The following DDO variants were observed in gnomAD, a reference collection of about 807,000 sequenced individuals.
DDO encodes D-aspartate oxidase, DDO.
DDO carries 16 observed loss-of-function variants against 16.8 expected under a neutral mutation model. The observed-to-expected ratio is 0.95, with a 90% CI of 0.65 to 1.45. DDO has a LOEUF of 1.45. Among genes scored for constraint, DDO ranks in the 40% most tolerant of loss-of-function variants. The pLI is 0.00. For missense variants in DDO, 429 were observed against 420.3 expected, an observed-to-expected ratio of 1.02 and a Z score of -0.18; for synonymous variants, 180 against 167.2, an observed-to-expected ratio of 1.08 and a Z score of -0.59.
chr6:110,390,558 A>G (rs1773081643), downstream of DDO, among the ~76,000 whole-genome samples: 2 of 152,256 alleles, frequency 1.3e-5, no homozygotes, highest in Admixed American at 6.5e-5. Context: ...CTTTAGAAAT[A>G]TAAAACGCAG....
Position 110,392,324 on chromosome 6 carries a change from T to C in DDO, c.*451A>G, listed in dbSNP as rs1582466118. The stretch of plus-strand genomic sequence containing the variant: ...TCCTGTGGATTTATAAGCCAAATGA[T>C]ATCAAAATCTCTATAGCTTCCAACA... On this transcript the variant is annotated 3_prime_UTR_variant, in exon 5 of 5. Coordinates refer to ENST00000368924, the MANE Select transcript of DDO (RefSeq NM_001372108.2). The C allele has an allele frequency of 1.0e-6, 1 of 986,302 alleles. No individual in the cohort carries two copies. Among genetic ancestry groups the C allele is most frequent in the Non-Finnish European group, 1.2e-6 (1 of 830,532 alleles). The allele number at this position is 986,302 out of a possible 1,614,324, so 61.1% of individuals were successfully genotyped here.
chr6:110,409,015 CT>C (rs1269061115), intron 2 of DDO, among the ~76,000 whole-genome samples: 2 of 152,228 alleles, frequency 1.3e-5, no homozygotes, highest in Non-Finnish European at 2.9e-5. Context: ...GGCGAGCCCC[CT>C]GCAGGCCAGA....
chr6:110,404,899 G>A lies in DDO; in HGVS notation c.333C>T (p.Asp111=), dbSNP rs113690784. 4.2e-5 allele frequency: 67 copies of A among 1,614,148 alleles called. 1 individual carries two copies. The highest frequency in any genetic ancestry group is 1.7e-4 in the African/African-American group (13 of 75,036). The stretch of plus-strand genomic sequence containing the variant: ...TCATCTTTCGAAATCCCAGAACCAC[G>A]TCAGCCCAGAATGGCACTTCTTCAG... ...TPTEEVPFWA[D]VVLGFRKMTE... Residue 111 remains aspartate (D), a synonymous_variant, in exon 4 of 5, where the codon GAC becomes GAT. Transcript: ENST00000368924.
chr6:110,411,047 A>G (rs1363782175), intron 2 of DDO, among the ~76,000 whole-genome samples: 5 of 152,174 alleles, frequency 3.3e-5, no homozygotes, highest in African/African-American at 7.2e-5. Context: ...TGCAAACTGG[A>G]TGCTAGGACC....
Position 110,393,170 on chromosome 6 carries a change from C to G in DDO, c.631G>C (p.Val211Leu). 6.2e-7 allele frequency: 1 copy of G among 1,614,242 alleles called. No individual in the cohort carries two copies. Among genetic ancestry groups the G allele is most frequent in the Non-Finnish European group, 8.5e-7 (1 of 1,180,036 alleles). ...GQVLQVQAPW[V>L]EHFIRDGSGL... Reference sequence around the variant, plus strand: ...CTGCCATCTCGGATAAAATGCTCCACCCAGGGAGCCTGAACTTGGAGGACT... The same window carrying G: ...CTGCCATCTCGGATAAAATGCTCCAGCCAGGGAGCCTGAACTTGGAGGACT... Residue 211 changes from valine (V) to leucine (L), a missense_variant, in exon 5 of 5, where the codon GTG becomes CTG. Val to Leu is a conservative substitution (Grantham distance 32, BLOSUM62 1). Transcript: ENST00000368924.
chr6:110,394,464 A>C (rs1417364657), intron 4 of DDO, among the ~76,000 whole-genome samples: 2 of 152,188 alleles, frequency 1.3e-5, no homozygotes, highest in Non-Finnish European at 2.9e-5. Context: ...AATAACCCCC[A>C]GGACATGTAA....
chr6:110,401,414 A>G (rs1214089273), intron 4 of DDO, among the ~76,000 whole-genome samples: 1 of 152,010 alleles, frequency 6.6e-6, no homozygotes, highest in African/African-American at 2.4e-5. Context: ...TTTCTTCTCC[A>G]AATTTGGGGT....
In DDO at chr6:110,392,078, C is replaced by CT. The variant is rs1773117238; in HGVS notation, c.*696dup. ...ATGACATACATAGGCAACTTCATCT[C>CT]TGTCTCCTACCATCATTACCAGCTG... On this transcript the variant is annotated 3_prime_UTR_variant, in exon 5 of 5. Transcript: ENST00000368924. 1 of 631,960 alleles carries CT rather than the reference C, an allele frequency of 1.6e-6. No individual in the cohort carries two copies. Among genetic ancestry groups the CT allele is most frequent in the African/African-American group, 2.0e-5 (1 of 50,176 alleles). 39.1% of individuals were successfully genotyped at this position (631,960 alleles called of 1,614,324 possible).
chr6:110,400,483 T>TG (rs1178567739), intron 4 of DDO, among the ~76,000 whole-genome samples: 5 of 152,118 alleles, frequency 3.3e-5, no homozygotes, highest in African/African-American at 7.2e-5. Context: ...GACTGTGTGC[T>TG]GGGGGGAGGC....
Position 110,392,947 on chromosome 6 carries a change from C to A in DDO, c.854G>T (p.Arg285Leu). 2 of 1,614,156 alleles carry A rather than the reference C, an allele frequency of 1.2e-6. No homozygotes were observed. The highest frequency in any genetic ancestry group is 2.2e-5 in the South Asian group (2 of 91,064). Residue 285 changes from arginine to leucine, a missense_variant, in exon 5 of 5, where the codon CGA becomes CTA. Transcript: ENST00000368924. ...VGLRPYRPGV[R>L]LQTELLARDG... is the part of the protein sequence containing the mutation. The stretch of plus-strand genomic sequence containing the variant: ...TCGCGCAAGGAGCTCTGTCTGCAGT[C>A]GCACGCCTGGCCTGTAGGGCCTCAA...
At chr6:110,401,743 T>C (rs1773491409) in intron 4 of DDO, among the ~76,000 whole-genome samples, 1 of 152,162 alleles carries the variant, frequency 6.6e-6, no homozygotes, top group African/African-American at 2.4e-5. Context: ...GCAAAAATCA[T>C]CAATGGATGC....
chr6:110,394,866 A>T (rs1042825969), intron 4 of DDO, among the ~76,000 whole-genome samples: 1 of 152,256 alleles, frequency 6.6e-6, no homozygotes, highest in Admixed American at 6.5e-5. Flanking sequence ...AACTTTGAAC[A>T]GTCGTCAATC....
intron 1 of DDO, among the ~76,000 whole-genome samples, chr6:110,414,148 C>T (rs953736219): frequency 1.9e-4 from 29 of 152,338 alleles, no homozygotes; most frequent in African/African-American, 6.5e-4. Flanking sequence ...GAGCTGTAGT[C>T]TTTGCTCCCA....
intron 4 of DDO, among the ~76,000 whole-genome samples, chr6:110,404,505 G>C (rs1175079898): frequency 2.0e-5 from 3 of 152,126 alleles, no homozygotes; most frequent in Non-Finnish European, 4.4e-5. Context: ...GGTTTTACCT[G>C]GGGCAAGAAG....
intron 4 of DDO, among the ~76,000 whole-genome samples, chr6:110,399,213 ATCTCT>A (rs1439424456): frequency 1.3e-5 from 2 of 152,226 alleles, no homozygotes; most frequent in African/African-American, 2.4e-5. Flanking sequence ...GAACAAGATG[ATCTCT>A]TCTATCTTTT....
chr6:110,404,516 G>A (rs982052763), intron 4 of DDO, among the ~76,000 whole-genome samples: 1 of 152,136 alleles, frequency 6.6e-6, no homozygotes, highest in African/African-American at 2.4e-5. Flanking sequence ...GGGCAAGAAG[G>A]GTAGGGAATA....
chr6:110,400,026 G>A (rs1773425215), intron 4 of DDO, among the ~76,000 whole-genome samples: 1 of 152,184 alleles, frequency 6.6e-6, no homozygotes, highest in Admixed American at 6.5e-5. Flanking sequence ...TCCGGCCGAT[G>A]GCGTTGCCGT....
At chr6:110,398,536 A>T (rs1773369663) in intron 4 of DDO, among the ~76,000 whole-genome samples, 1 of 152,122 alleles carries the variant, frequency 6.6e-6, no homozygotes, top group African/African-American at 2.4e-5. Flanking sequence ...AATCTCAGGT[A>T]GCACTAAACA....
At position 110,404,857 on chromosome 6, in the gene DDO, C is replaced by A. The variant is rs1476037057; in HGVS notation, c.375G>T (p.Lys125Asn). The A allele has an allele frequency of 6.2e-7, 1 of 1,614,178 alleles. No homozygotes were observed. Residue 125 changes from lysine to asparagine, a missense_variant, in exon 4 of 5, where the codon AAG becomes AAT. Transcript: ENST00000368924. ...GFRKMTEAEL[K>N]KFPQYVFGQA... is the part of the protein sequence containing the mutation. The stretch of plus-strand genomic sequence containing the variant: ...GACCAAACACATACTGGGGGAATTT[C>A]TTCAGCTCAGCCTCAGTCATCTTTC...
Sources: gnomAD v4.1 joint callset for allele counts (sites outside exome capture counted in the v4.1 genomes callset) on GRCh38, gnomAD v4.1.1 for gene constraint, MANE v1.5 for transcripts, NCBI Gene and HGNC (gene_info 2026-07-23, HGNC 2026-07-21) for gene names.